Variants in LRRC37A2 observed in about 807,000 individuals in gnomAD.
LRRC37A2 encodes leucine-rich repeat-containing protein 37A2.
Under a neutral mutation model 68.8 loss-of-function variants are expected in LRRC37A2, and 9 were observed. The ratio of observed to expected loss-of-function variants is 0.13; its 90% CI spans 0.08 to 0.23. The LOEUF (loss-of-function observed/expected upper bound fraction) is 0.23. Among genes scored for constraint, LRRC37A2 ranks in the 10% least tolerant of loss-of-function variants. LRRC37A2 has a pLI of 1.00. For missense variants in LRRC37A2, 168 were observed against 950.4 expected, an observed-to-expected ratio of 0.18 and a Z score of 10.82; for synonymous variants, 63 against 367.6, an observed-to-expected ratio of 0.17 and a Z score of 9.48.
At chr17:46,995,868 T>C in the LRRC37A2 span, among the ~76,000 whole-genome samples, 2 of 152,230 alleles carry the variant, frequency 1.3e-5, no homozygotes, top group African/African-American at 4.8e-5. Context: ...CTTGGTCACC[T>C]GCCCAGTGTA....
chr17:46,928,902 T>C, the LRRC37A2 span, among the ~76,000 whole-genome samples: 1 of 152,170 alleles, frequency 6.6e-6, no homozygotes, highest in African/African-American at 2.4e-5. Flanking sequence ...ACCTGGTTTC[T>C]CTTTCTCAGC....
the LRRC37A2 span, among the ~76,000 whole-genome samples, chr17:46,501,598 T>G: frequency 6.6e-6 from 1 of 151,262 alleles, no homozygotes; most frequent in African/African-American, 2.5e-5. Context: ...TATTTGGAAC[T>G]CCCTTCAGTT....
the LRRC37A2 span, among the ~76,000 whole-genome samples, chr17:46,850,995 C>T: frequency 6.6e-6 from 1 of 152,224 alleles, no homozygotes; most frequent in Admixed American, 6.5e-5. Flanking sequence ...TTTCCTCTCT[C>T]CCCTCTGCCC....
the LRRC37A2 span, chr17:46,938,704 G>T: frequency 6.2e-7 from 1 of 1,613,872 alleles, no homozygotes; most frequent in South Asian, 1.1e-5. Flanking sequence ...CTTTATGATA[G>T]GTGGGATGCT....
chr17:46,755,757 A>ACT, the LRRC37A2 span: 28 of 1,461,100 alleles, frequency 1.9e-5, no homozygotes, highest in Non-Finnish European at 2.5e-5. Context: ...ATAGTTTTTT[A>ACT]CGGACCCTCA....
the LRRC37A2 span, among the ~76,000 whole-genome samples, chr17:46,795,995 AG>A: frequency 1.3e-5 from 2 of 152,292 alleles, no homozygotes; most frequent in East Asian, 3.9e-4. Flanking sequence ...TAAAAAAAAA[AG>A]AACTGATCAG....
the LRRC37A2 span, among the ~76,000 whole-genome samples, chr17:46,920,232 C>T: frequency 6.6e-6 from 1 of 152,150 alleles, no homozygotes; most frequent in Non-Finnish European, 1.5e-5. Context: ...GTCCATGAAC[C>T]GTTCTTGCCC....
the LRRC37A2 span, chr17:46,923,724 A>G: frequency 2.2e-6 from 1 of 463,182 alleles, no homozygotes; most frequent in Non-Finnish European, 3.5e-6. Flanking sequence ...CGTAGCATTC[A>G]CTATTATTAC....
chr17:46,451,835 TTCC>T, the LRRC37A2 span, among the ~76,000 whole-genome samples: 1 of 76,152 alleles, frequency 1.3e-5, no homozygotes, highest in Non-Finnish European at 3.4e-5. Flanking sequence ...TCCCTCTCCA[TTCC>T]TCCTCTGTTG....
the LRRC37A2 span, among the ~76,000 whole-genome samples, chr17:46,917,891 C>T: frequency 3.5e-4 from 53 of 152,258 alleles, no homozygotes; most frequent in East Asian, 9.1e-3. Flanking sequence ...GCACATTTGA[C>T]AATAACATAA....
At chr17:46,728,709 T>C in the LRRC37A2 span, 27 of 458,884 alleles carry the variant, frequency 5.9e-5, no homozygotes, top group East Asian at 8.9e-4. Context: ...GTTTACTCTT[T>C]AAATTTTTTT....
At chr17:46,494,968 T>TC in the LRRC37A2 span, among the ~76,000 whole-genome samples, 1 of 150,722 alleles carries the variant, frequency 6.6e-6, no homozygotes. Flanking sequence ...CTTGTCTTCA[T>TC]CCCTACCTGC....
the LRRC37A2 span, among the ~76,000 whole-genome samples, chr17:46,499,344 G>GAC: frequency 7.3e-6 from 1 of 136,204 alleles, no homozygotes; most frequent in Non-Finnish European, 1.6e-5. Context: ...AAGGTGGGGG[G>GAC]ACAATGTTAC....
At chr17:46,867,340 A>G in the LRRC37A2 span, among the ~76,000 whole-genome samples, 2 of 152,270 alleles carry the variant, frequency 1.3e-5, no homozygotes, top group Non-Finnish European at 2.9e-5. Context: ...ACAACTAGGA[A>G]GAGGTGGAGG....
chr17:46,818,709 A>C, the LRRC37A2 span: 2 of 1,096,076 alleles, frequency 1.8e-6, no homozygotes, highest in African/African-American at 1.6e-5. Context: ...CGGGCTTGTC[A>C]GAAGCGCACC....
the LRRC37A2 span, among the ~76,000 whole-genome samples, chr17:46,876,070 C>A: frequency 6.6e-6 from 1 of 152,148 alleles, no homozygotes; most frequent in Non-Finnish European, 1.5e-5. Context: ...TGTGTTCAGT[C>A]GCGTAAGTTG....
At chr17:46,844,847 T>C in the LRRC37A2 span, among the ~76,000 whole-genome samples, 1 of 152,136 alleles carries the variant, frequency 6.6e-6, no homozygotes, top group Non-Finnish European at 1.5e-5. Flanking sequence ...CTTCTTTCTT[T>C]CTTTTTTATT....
chr17:46,642,472 G>C, the LRRC37A2 span, among the ~76,000 whole-genome samples: 1 of 137,280 alleles, frequency 7.3e-6, no homozygotes, highest in Admixed American at 7.7e-5. Context: ...GTTACTTTAG[G>C]TGGCACTCTG....
the LRRC37A2 span, among the ~76,000 whole-genome samples, chr17:46,985,213 G>A: frequency 6.6e-5 from 10 of 152,198 alleles, no homozygotes; most frequent in African/African-American, 1.9e-4. Flanking sequence ...TTTACCTACA[G>A]AGGTTGAAGG....
Sources: gnomAD v4.1 joint callset for allele counts (sites outside exome capture counted in the v4.1 genomes callset) on GRCh38, gnomAD v4.1.1 for gene constraint, MANE v1.5 for transcripts, NCBI Gene and HGNC (gene_info 2026-07-23, HGNC 2026-07-21) for gene names.